The following COP1 variants were observed in gnomAD, a reference collection of about 807,000 sequenced individuals.
COP1 encodes the protein COP1 E3 ubiquitin ligase, also known as E3 ubiquitin-protein ligase COP1.
A neutral mutation model predicts 101.3 loss-of-function variants in COP1; 24 were observed. The observed-to-expected ratio is 0.24, with a 90% CI of 0.17 to 0.33. The LOEUF is 0.33. Ranked by LOEUF, COP1 falls within the 10% of genes least tolerant of loss-of-function variation. The probability of loss-of-function intolerance (pLI) is 1.00; values close to 1 mark genes in which losing one functional copy is unlikely to be tolerated. For missense variants in COP1, 663 were observed against 906.2 expected, an observed-to-expected ratio of 0.73 and a Z score of 3.45; for synonymous variants, 347 against 341.9, an observed-to-expected ratio of 1.01 and a Z score of -0.17.
At chr1:176,046,522 C>T (rs1314531944) in intron 11 of COP1, among the ~76,000 whole-genome samples, 198 bp from the exon 12 acceptor site, 2 of 152,024 alleles carry the variant, frequency 1.3e-5, no homozygotes, top group Non-Finnish European at 2.9e-5. Context: ...TTAATATATA[C>T]ATTTGTATAT....
chr1:175,984,522 A>T (rs534274361), intron 18 of COP1, among the ~76,000 whole-genome samples: 2 of 152,306 alleles, frequency 1.3e-5, no homozygotes, highest in African/African-American at 4.8e-5. Flanking sequence ...ACAGAAGGGA[A>T]ATGTGGGGTG....
intron 8 of COP1, among the ~76,000 whole-genome samples, chr1:176,121,134 C>T (rs1687054599): frequency 6.6e-6 from 1 of 151,890 alleles, no homozygotes; most frequent in Non-Finnish European, 1.5e-5. Flanking sequence ...AAAACTTTTT[C>T]CTTTCCAGTA....
chr1:176,028,210 ATGAC>A (rs1162057057), intron 14 of COP1, among the ~76,000 whole-genome samples: 1 of 152,202 alleles, frequency 6.6e-6, no homozygotes. Context: ...ATATCACTGA[ATGAC>A]TGAATAACAG....
chr1:176,063,604 G>A (rs1234310640), intron 11 of COP1, among the ~76,000 whole-genome samples: 1 of 152,182 alleles, frequency 6.6e-6, no homozygotes, highest in African/African-American at 2.4e-5. Flanking sequence ...ATGGGGAGAA[G>A]AGAAGAAGAG....
rs1696554397 is a variant in COP1 at position 176,174,008 on chromosome 1, A to AAAAAAAAAGG, written c.565+1901_565+1902insCCTTTTTTTT. On this transcript the variant is annotated intron_variant, in intron 3 of 19. Transcript: ENST00000367669. ...TCTCAAAAAAAAAAAAAAAAAAAAA[A>AAAAAAAAAGG]GAGAATATATATAATGTAGGGGATC... Among the ~76,000 whole-genome samples the AAAAAAAAAGG allele has an allele frequency of 3.5e-5, 4 of 112,950 alleles. No homozygotes were observed. The East Asian group carries it at 1.4e-3, about 40-fold the overall frequency. The allele number at this position is 112,950 out of a possible 152,430, so 74.1% of individuals were successfully genotyped here. A position where few individuals can be genotyped will look rare whatever the true frequency, so the allele number is the denominator to read the frequency against.
chr1:176,077,832 C>T (rs1678330063), intron 11 of COP1, among the ~76,000 whole-genome samples: 1 of 152,062 alleles, frequency 6.6e-6, no homozygotes, highest in Admixed American at 6.6e-5. Context: ...ATGTACAAAA[C>T]TTGGTAGCAT....
intron 9 of COP1, among the ~76,000 whole-genome samples, chr1:176,093,402 C>T (rs1681711714): frequency 6.6e-6 from 1 of 151,834 alleles, no homozygotes; most frequent in Admixed American, 6.6e-5. Flanking sequence ...AGATTTTAGC[C>T]TACAGATCTC....
intron 9 of COP1, among the ~76,000 whole-genome samples, chr1:176,113,945 G>GTTTT (rs11435143): frequency 2.8e-5 from 4 of 144,858 alleles, no homozygotes; most frequent in Non-Finnish European, 3.0e-5. Flanking sequence ...TCAGGGTAGG[G>GTTTT]TTTTTTTTTT....
intron 9 of COP1, among the ~76,000 whole-genome samples, chr1:176,107,134 C>T (rs919432768): frequency 6.6e-6 from 1 of 151,850 alleles, no homozygotes. Flanking sequence ...CCTGGGAGTC[C>T]TTCAGTAATC....
In COP1 at chr1:175,949,168, CAAAAAAAAA is replaced by C. The variant is rs56280543; in HGVS notation, c.2134-1938_2134-1930del. Among the ~76,000 whole-genome samples, 9 of 43,164 alleles carry C rather than the reference CAAAAAAAAA, an allele frequency of 2.1e-4. 1 individual carries two copies. Among genetic ancestry groups the C allele is most frequent in the Admixed American group, 1.7e-3 (5 of 2,954 alleles). 28.3% of individuals were successfully genotyped at this position (43,164 alleles called of 152,430 possible). On this transcript the variant is annotated intron_variant, in intron 18 of 19. Transcript: ENST00000367669. ...GAGAGACTCCAGCAAGGCTCCGTCT[CAAAAAAAAA>C]AAAAAAAAAAAAAAATGAACATGGG...
chr1:176,134,850 T>C (rs1427192265), intron 8 of COP1, among the ~76,000 whole-genome samples, 160 bp downstream of exon 8: 1 of 152,034 alleles, frequency 6.6e-6, no homozygotes, highest in Non-Finnish European at 1.5e-5. Flanking sequence ...ATCCAACGCA[T>C]TAAGGAAACA....
intron 3 of COP1, among the ~76,000 whole-genome samples, chr1:176,171,617 G>C (rs1400813346): frequency 6.6e-6 from 1 of 152,176 alleles, no homozygotes; most frequent in Non-Finnish European, 1.5e-5. Flanking sequence ...GAGATATGAA[G>C]TGAGCACATG....
At chr1:176,151,641 T>C (rs1421399710) in intron 5 of COP1, among the ~76,000 whole-genome samples, 1 of 152,210 alleles carries the variant, frequency 6.6e-6, no homozygotes, top group East Asian at 1.9e-4. Context: ...TTATCCTTAT[T>C]ATGGGAATGG....
chr1:175,948,985 T>C (rs191843054), intron 18 of COP1, among the ~76,000 whole-genome samples: 5 of 151,462 alleles, frequency 3.3e-5, no homozygotes, highest in Admixed American at 3.3e-4. Context: ...TAATATGGTG[T>C]AATCCTGTCT....
intron 3 of COP1, among the ~76,000 whole-genome samples, chr1:176,174,720 G>A (rs893600547): frequency 6.6e-6 from 1 of 152,110 alleles, no homozygotes; most frequent in African/African-American, 2.4e-5. Flanking sequence ...CAAAGTACTA[G>A]CAGGTCAGAA....
At chr1:175,985,097 T>C (rs1020340163) in intron 18 of COP1, among the ~76,000 whole-genome samples, 8 of 152,134 alleles carry the variant, frequency 5.3e-5, no homozygotes, top group Admixed American at 5.2e-4. Context: ...GACATGAAAT[T>C]TGGGAGGGGC....
chr1:176,029,246 G>T (rs931344581), intron 14 of COP1, among the ~76,000 whole-genome samples: 4 of 150,710 alleles, frequency 2.7e-5, no homozygotes, highest in African/African-American at 4.9e-5. Flanking sequence ...ATATATTCTA[G>T]AATTATTTAG....
At position 175,988,556 on chromosome 1, in the gene COP1, G is replaced by T; in HGVS notation, c.1848-144C>A. On this transcript the variant is annotated intron_variant, in intron 16 of 19. Coordinates refer to ENST00000367669, the MANE Select transcript of COP1 (RefSeq NM_022457.7). Reference sequence around the variant, plus strand: ...AGTTAGCACGTTCATCTGTCGGCCAGGCGTGGTGGCTCACGCTTGTATTCC... The same window carrying T: ...AGTTAGCACGTTCATCTGTCGGCCATGCGTGGTGGCTCACGCTTGTATTCC... 4 of 720,004 alleles carry T rather than the reference G, an allele frequency of 5.6e-6. No homozygotes were observed. The Middle Eastern group carries it at 7.9e-4, about 143-fold the overall frequency. The allele number at this position is 720,004 out of a possible 1,614,324, so 44.6% of individuals were successfully genotyped here.
chr1:176,008,534 GT>G (rs1247712472), intron 15 of COP1, among the ~76,000 whole-genome samples: 2 of 151,858 alleles, frequency 1.3e-5, no homozygotes, highest in African/African-American at 4.8e-5. Flanking sequence ...ACTCTTTGTG[GT>G]TTAATTACCT....
Sources: allele counts gnomAD v4.1 joint callset (sites outside exome capture counted in the v4.1 genomes callset), GRCh38; gene constraint gnomAD v4.1.1; transcripts MANE v1.5; gene names NCBI Gene and HGNC (gene_info 2026-07-23, HGNC 2026-07-21).